Variants in CSRNP3 observed in about 807,000 individuals in gnomAD.
CSRNP3 encodes cysteine/serine-rich nuclear protein 3.
Under a neutral mutation model 48.0 loss-of-function variants are expected in CSRNP3, and 12 were observed. The observed-to-expected ratio is 0.25, with a 90% confidence interval of 0.16 to 0.41. The LOEUF (loss-of-function observed/expected upper bound fraction) is 0.41. Among genes scored for constraint, CSRNP3 ranks in the 10% least tolerant of loss-of-function variants. The pLI is 1.00. For synonymous variants in CSRNP3, 263 were observed against 269.7 expected (o/e 0.98, Z 0.24); for missense variants, 580 against 724.4 (o/e 0.80, Z 2.29).
At chr2:165,545,044 G>A (rs959554641) in intron 3 of CSRNP3, among the ~76,000 whole-genome samples, 4 of 151,642 alleles carry the variant, frequency 2.6e-5, no homozygotes, top group Admixed American at 1.3e-4. Flanking sequence ...GCATCAATGA[G>A]AATAAAGCGA....
At chr2:165,549,416 C>G (rs1438611536) in intron 3 of CSRNP3, among the ~76,000 whole-genome samples, 1 of 152,036 alleles carries the variant, frequency 6.6e-6, no homozygotes, top group Non-Finnish European at 1.5e-5. Context: ...TTAATCGCAA[C>G]TGGTTACTAA....
intron 1 of CSRNP3, among the ~76,000 whole-genome samples, chr2:165,477,961 A>T (rs1015659241): frequency 5.3e-5 from 8 of 151,910 alleles, no homozygotes; most frequent in African/African-American, 1.9e-4. Context: ...TGGGTGACAG[A>T]GTGAGACCCT....
rs997219172 is a variant in CSRNP3 at position 165,689,379 on chromosome 2, A to T, written c.*9626A>T. On this transcript the variant is annotated 3_prime_UTR_variant, in exon 7 of 7. Transcript: ENST00000651982. ...TACAATATCTTGTCCATTTGTTTGC[A>T]GCAGAGTAAAACCGGTTTCTAAGTT... 3 of 152,164 alleles carry T rather than the reference A, an allele frequency of 2.0e-5. No individual in the cohort carries two copies. The highest frequency in any genetic ancestry group is 2.9e-5 in the Non-Finnish European group (2 of 68,022). The allele number at this position is 152,164 out of a possible 1,614,324, so 9.4% of individuals were successfully genotyped here. A position where few individuals can be genotyped will look rare whatever the true frequency, so the allele number is the denominator to read the frequency against.
chr2:165,506,809 T>C (rs1201762229), intron 2 of CSRNP3, among the ~76,000 whole-genome samples: 1 of 152,180 alleles, frequency 6.6e-6, no homozygotes, highest in African/African-American at 2.4e-5. Context: ...CTGGGCCGCA[T>C]ACTCTTCACT....
intron 5 of CSRNP3, among the ~76,000 whole-genome samples, chr2:165,660,791 C>G (rs1485044392): frequency 6.6e-6 from 1 of 152,196 alleles, no homozygotes; most frequent in Non-Finnish European, 1.5e-5. Flanking sequence ...TGTCAGGTAT[C>G]AGTTTGTTAT....
chr2:165,576,440 A>G (rs1685452092), intron 3 of CSRNP3, among the ~76,000 whole-genome samples: 1 of 152,056 alleles, frequency 6.6e-6, no homozygotes, highest in Admixed American at 6.6e-5. Context: ...TGCAACTGCT[A>G]CCACAGAGCA....
At chr2:165,599,247 CAAA>C (rs755308321) in intron 4 of CSRNP3, among the ~76,000 whole-genome samples, 1 of 64,124 alleles carries the variant, frequency 1.6e-5, no homozygotes, top group Non-Finnish European at 3.3e-5. Flanking sequence ...AAACAAAAAA[CAAA>C]AAGAAAGAAA....
At position 165,575,618 on chromosome 2, in the gene CSRNP3, A is replaced by G. The variant is rs142348091; in HGVS notation, c.-23-19425A>G. 5.3e-4 allele frequency among the ~76,000 whole-genome samples: 81 copies of G among 152,214 alleles called. 1 individual carries two copies. The Middle Eastern group carries it at 0.01, about 19-fold the overall frequency. ...TTCTTTGCCCTGAAAAGAGGGAGTT[A>G]ATTTTATTATAATGATTAAGATGAG... is the stretch of plus-strand genomic sequence containing the variant. On this transcript the variant is annotated intron_variant, in intron 3 of 6. Transcript: ENST00000651982.
intron 2 of CSRNP3, among the ~76,000 whole-genome samples, chr2:165,502,836 AGATT>A (rs1684375797): frequency 6.6e-6 from 1 of 151,966 alleles, no homozygotes; most frequent in Admixed American, 6.6e-5. Context: ...ATACATACAT[AGATT>A]AATATGATTA....
intron 4 of CSRNP3, among the ~76,000 whole-genome samples, chr2:165,608,934 C>CAAAAAAAAAAA (rs33952227): frequency 1.3e-4 from 10 of 75,576 alleles, no homozygotes; most frequent in African/African-American, 2.2e-4. Context: ...ACTAAAAATA[C>CAAAAAAAAAAA]AAAAAAAAAA....
chr2:165,500,042 CAA>C (rs112476718), intron 2 of CSRNP3, among the ~76,000 whole-genome samples: 5 of 120,078 alleles, frequency 4.2e-5, no homozygotes, highest in Non-Finnish European at 3.6e-5. Flanking sequence ...TTAGCATCAC[CAA>C]AAAAAAAAAA....
intron 3 of CSRNP3, among the ~76,000 whole-genome samples, chr2:165,563,834 A>C (rs981356581): frequency 6.6e-6 from 1 of 152,034 alleles, no homozygotes; most frequent in African/African-American, 2.4e-5. Flanking sequence ...CCCAGCTACA[A>C]ATTTTTGTAG....
At chr2:165,599,371 G>GT (rs1685873173) in intron 4 of CSRNP3, among the ~76,000 whole-genome samples, 1 of 104,268 alleles carries the variant, frequency 9.6e-6, no homozygotes, top group Admixed American at 8.2e-5. Flanking sequence ...AAGATCTGAG[G>GT]TTTTTTTGTT....
chr2:165,621,622 T>G (rs571667244), intron 4 of CSRNP3, among the ~76,000 whole-genome samples: 2 of 152,336 alleles, frequency 1.3e-5, no homozygotes, highest in African/African-American at 2.4e-5. Flanking sequence ...TGTTTTGTTT[T>G]GTTTTTGTAG....
intron 4 of CSRNP3, among the ~76,000 whole-genome samples, chr2:165,617,243 C>G (rs1686261737): frequency 6.6e-6 from 1 of 151,164 alleles, no homozygotes; most frequent in Non-Finnish European, 1.5e-5. Flanking sequence ...GTTTCTGTAT[C>G]ATTACATGAT....
intron 5 of CSRNP3, among the ~76,000 whole-genome samples, chr2:165,670,957 T>A (rs1011574465): frequency 6.6e-6 from 1 of 152,194 alleles, no homozygotes; most frequent in Non-Finnish European, 1.5e-5. Context: ...AGATTGGCAG[T>A]ATCTACTTGA....
chr2:165,492,875 C>A (rs1684236729), intron 1 of CSRNP3, among the ~76,000 whole-genome samples: 1 of 132,054 alleles, frequency 7.6e-6, no homozygotes, highest in African/African-American at 2.9e-5. Flanking sequence ...AAATGACAGA[C>A]AAATAGATCT....
At chr2:165,543,957 T>C (rs1460446526) in intron 3 of CSRNP3, among the ~76,000 whole-genome samples, 2 of 151,840 alleles carry the variant, frequency 1.3e-5, no homozygotes, top group African/African-American at 4.8e-5. Context: ...TGACGAGAGA[T>C]AGACAAGGTT....
intron 1 of CSRNP3, among the ~76,000 whole-genome samples, chr2:165,470,127 G>A (rs1683873056): frequency 6.6e-6 from 1 of 152,108 alleles, no homozygotes; most frequent in African/African-American, 2.4e-5. Flanking sequence ...CAGGTCCTGA[G>A]AAAATGGAGC....
Sources: gnomAD v4.1 joint callset for allele counts (sites outside exome capture counted in the v4.1 genomes callset) on GRCh38, gnomAD v4.1.1 for gene constraint, MANE v1.5 for transcripts, NCBI Gene and HGNC (gene_info 2026-07-23, HGNC 2026-07-21) for gene names.